Variants in TMEM132C observed in about 807,000 individuals in gnomAD.
TMEM132C encodes the protein protein phosphatase 1, regulatory subunit 152.
TMEM132C carries 29 observed loss-of-function variants against 61.4 expected under a neutral mutation model. The ratio of observed to expected loss-of-function variants is 0.47; its 90% CI spans 0.35 to 0.64. TMEM132C has a LOEUF of 0.64. Ranked by LOEUF, TMEM132C falls within the 30% of genes least tolerant of loss-of-function variation. TMEM132C has a pLI of 0.00. For missense variants in TMEM132C, 1,408 were observed against 1,476.9 expected (o/e 0.95, Z 0.76); for synonymous variants, 656 against 633.1 (o/e 1.04, Z -0.54).
chr12:128,398,448 A>G (rs1023514218), intron 1 of TMEM132C, among the ~76,000 whole-genome samples: 4 of 152,250 alleles, frequency 2.6e-5, no homozygotes, highest in Admixed American at 6.5e-5. Context: ...TGTAGTTCAT[A>G]AGGTTTTCAT....
At chr12:128,507,293 G>C (rs1872396191) in intron 2 of TMEM132C, among the ~76,000 whole-genome samples, 2 of 151,854 alleles carry the variant, frequency 1.3e-5, no homozygotes, top group Non-Finnish European at 2.9e-5. Flanking sequence ...ACCGTGCAGA[G>C]AGGGATGTGA....
intron 1 of TMEM132C, among the ~76,000 whole-genome samples, chr12:128,395,376 T>C (rs1202800007): frequency 2.0e-5 from 3 of 152,208 alleles, no homozygotes; most frequent in African/African-American, 7.2e-5. Flanking sequence ...ATATCCACTC[T>C]CGCCTCCCTC....
At chr12:128,503,723 G>A (rs1184260057) in intron 2 of TMEM132C, among the ~76,000 whole-genome samples, 1 of 152,226 alleles carries the variant, frequency 6.6e-6, no homozygotes, top group Non-Finnish European at 1.5e-5. Flanking sequence ...ATGAGGAAAT[G>A]GAAGTGCAGA....
At chr12:128,405,044 C>A (rs1366395810) in intron 1 of TMEM132C, among the ~76,000 whole-genome samples, 1 of 146,094 alleles carries the variant, frequency 6.8e-6, no homozygotes, top group South Asian at 2.2e-4. Context: ...TCTCCCGTGG[C>A]CGTAGGAAAC....
chr12:128,682,575 G>T (rs1267810874), intron 5 of TMEM132C, among the ~76,000 whole-genome samples: 1 of 152,208 alleles, frequency 6.6e-6, no homozygotes, highest in African/African-American at 2.4e-5. Context: ...TGGCGTGGCC[G>T]TTAACACTCT....
intron 1 of TMEM132C, among the ~76,000 whole-genome samples, chr12:128,319,354 C>CGAGAGA (rs71449340): frequency 2.0e-5 from 3 of 149,286 alleles, no homozygotes; most frequent in East Asian, 2.0e-4. Flanking sequence ...TTTGCAGTCC[C>CGAGAGA]GAGAGAGAGA....
intron 1 of TMEM132C, among the ~76,000 whole-genome samples, chr12:128,377,235 A>G (rs977882332): frequency 6.6e-6 from 1 of 152,082 alleles, no homozygotes; most frequent in African/African-American, 2.4e-5. Context: ...TTGTATTTTT[A>G]GTAGTGACAG....
intron 1 of TMEM132C, among the ~76,000 whole-genome samples, chr12:128,348,861 CTA>C (rs1873252344): frequency 6.6e-6 from 1 of 152,200 alleles, no homozygotes; most frequent in Non-Finnish European, 1.5e-5. Flanking sequence ...TGAAATGTCA[CTA>C]GAGATCTGAA....
At chr12:128,391,846 C>A (rs1469828822) in intron 1 of TMEM132C, among the ~76,000 whole-genome samples, 3 of 152,192 alleles carry the variant, frequency 2.0e-5, no homozygotes, top group African/African-American at 7.2e-5. Context: ...TGGGCCAAAC[C>A]CCTGCCGTCT....
intron 5 of TMEM132C, among the ~76,000 whole-genome samples, chr12:128,674,244 G>A (rs1954562472): frequency 6.6e-6 from 1 of 152,158 alleles, no homozygotes; most frequent in Non-Finnish European, 1.5e-5. Flanking sequence ...TTTCCACTTA[G>A]CGTTGTTTTC....
chr12:128,485,281 A>G (rs1871447937), intron 2 of TMEM132C, among the ~76,000 whole-genome samples: 2 of 152,100 alleles, frequency 1.3e-5, no homozygotes, highest in South Asian at 4.1e-4. Context: ...GGTTCAAGCA[A>G]TTCTCCTGCC....
At chr12:128,697,448 G>A (rs1482574939) in intron 8 of TMEM132C, 33 bp downstream of exon 8, 1 of 1,505,962 alleles carries the variant, frequency 6.6e-7, no homozygotes, top group African/African-American at 1.4e-5. Flanking sequence ...TTCAGAGGGA[G>A]CAGGGTCAGC....
chr12:128,547,798 C>T (rs1874012814), intron 3 of TMEM132C, among the ~76,000 whole-genome samples: 1 of 152,118 alleles, frequency 6.6e-6, no homozygotes, highest in Non-Finnish European at 1.5e-5. Flanking sequence ...CCAGGCAGGT[C>T]CAGAAAGGTG....
chr12:128,561,383 G>A (rs1874512947), intron 3 of TMEM132C, among the ~76,000 whole-genome samples: 1 of 152,180 alleles, frequency 6.6e-6, no homozygotes, highest in South Asian at 2.1e-4. Context: ...AGCTCAGGCT[G>A]TTCCCCTAAA....
intron 2 of TMEM132C, among the ~76,000 whole-genome samples, chr12:128,501,161 C>T (rs916510838): frequency 5.3e-5 from 8 of 152,116 alleles, no homozygotes; most frequent in Middle Eastern, 3.2e-3. Context: ...ATCTGTGGTA[C>T]GCCTATAACT....
chr12:128,419,663 G>C (rs527501603), intron 2 of TMEM132C, among the ~76,000 whole-genome samples: 5 of 149,692 alleles, frequency 3.3e-5, no homozygotes, highest in Non-Finnish European at 7.4e-5. Flanking sequence ...ACTTTGTTCT[G>C]CTTTCATTGT....
At chr12:128,366,375 C>T (rs539905704) in intron 1 of TMEM132C, among the ~76,000 whole-genome samples, 41 of 152,348 alleles carry the variant, frequency 2.7e-4, no homozygotes, top group African/African-American at 9.4e-4. Flanking sequence ...GCTGACTTTC[C>T]TTAGCTGCTC....
chr12:128,588,463 TC>T (rs769116687), intron 3 of TMEM132C, among the ~76,000 whole-genome samples: 8 of 152,142 alleles, frequency 5.3e-5, no homozygotes, highest in Non-Finnish European at 1.0e-4. Context: ...AAAATCTGTT[TC>T]CAATATGTGT....
chr12:128,272,564 A>G (rs1166068215), intron 1 of TMEM132C, among the ~76,000 whole-genome samples: 1 of 152,252 alleles, frequency 6.6e-6, no homozygotes, highest in African/African-American at 2.4e-5. Flanking sequence ...CAGACTGTAT[A>G]TATAACTTCA....
Sources: gnomAD v4.1 joint callset for allele counts (sites outside exome capture counted in the v4.1 genomes callset) on GRCh38, gnomAD v4.1.1 for gene constraint, MANE v1.5 for transcripts, NCBI Gene and HGNC (gene_info 2026-07-23, HGNC 2026-07-21) for gene names.